ZNF385D: variants seen among roughly 807,000 people sequenced by gnomAD.
ZNF385D encodes the protein zinc finger protein 659.
Under a neutral mutation model 35.8 loss-of-function variants are expected in ZNF385D, and 15 were observed. The observed-to-expected ratio is 0.42, with a 90% confidence interval of 0.28 to 0.64. The LOEUF is 0.64. Among genes scored for constraint, ZNF385D ranks in the 30% least tolerant of loss-of-function variants. ZNF385D has a pLI of 0.23. For missense variants in ZNF385D, 474 were observed against 494.6 expected (o/e 0.96, Z 0.39); for synonymous variants, 212 against 186.8 (o/e 1.13, Z -1.10).
intron 2 of ZNF385D, among the ~76,000 whole-genome samples, chr3:21,634,981 G>A (rs1367436000): frequency 6.6e-6 from 1 of 152,042 alleles, no homozygotes; most frequent in African/African-American, 2.4e-5. Context: ...AACAAACCGT[G>A]ATTTCCTGCT....
chr3:21,550,563 A>T (rs9827481), intron 3 of ZNF385D, among the ~76,000 whole-genome samples: 1 of 151,910 alleles, frequency 6.6e-6, no homozygotes, highest in Non-Finnish European at 1.5e-5. Context: ...GCTTACTGCA[A>T]CCTCCGCCTG....
At chr3:22,343,436 G>A (rs983417823) in intron 2 of ZNF385D, among the ~76,000 whole-genome samples, 3 of 152,210 alleles carry the variant, frequency 2.0e-5, no homozygotes, top group Non-Finnish European at 4.4e-5. Context: ...GAGGACTTTG[G>A]AACTGGAGGG....
intron 3 of ZNF385D, among the ~76,000 whole-genome samples, chr3:22,086,501 A>G (rs1386873124): frequency 6.6e-6 from 1 of 152,194 alleles, no homozygotes; most frequent in Non-Finnish European, 1.5e-5. Context: ...AGGGATGTGA[A>G]GGACCTCTTC....
intron 3 of ZNF385D, among the ~76,000 whole-genome samples, chr3:21,884,232 T>C (rs1698421201): frequency 6.6e-6 from 1 of 152,056 alleles, no homozygotes; most frequent in Non-Finnish European, 1.5e-5. Context: ...GAAATTCCTT[T>C]TCAACCCAGA....
At chr3:21,483,506 A>G (rs1704799504) in intron 4 of ZNF385D, among the ~76,000 whole-genome samples, 1 of 152,182 alleles carries the variant, frequency 6.6e-6, no homozygotes, top group Non-Finnish European at 1.5e-5. Flanking sequence ...TACTTTTACA[A>G]GAAAATGCCA....
At chr3:22,243,065 G>T (rs967972006) in intron 2 of ZNF385D, among the ~76,000 whole-genome samples, 7 of 150,970 alleles carry the variant, frequency 4.6e-5, no homozygotes, top group African/African-American at 1.5e-4. Flanking sequence ...AAACTTCTGT[G>T]CATTAAATAG....
intron 2 of ZNF385D, among the ~76,000 whole-genome samples, chr3:22,372,087 C>T (rs1290871593): frequency 6.6e-6 from 1 of 152,084 alleles, no homozygotes; most frequent in East Asian, 1.9e-4. Context: ...GGTGGCCCAG[C>T]CCTCGACTCT....
chr3:21,952,158 T>C (rs1702096810), intron 3 of ZNF385D, among the ~76,000 whole-genome samples: 1 of 152,050 alleles, frequency 6.6e-6, no homozygotes, highest in Admixed American at 6.6e-5. Flanking sequence ...GTAGTAACTA[T>C]GATGGTTTCC....
At chr3:21,802,927 G>C (rs908956493) in intron 3 of ZNF385D, among the ~76,000 whole-genome samples, 1 of 152,214 alleles carries the variant, frequency 6.6e-6, no homozygotes, top group Non-Finnish European at 1.5e-5. Context: ...AACAAGGAAA[G>C]ATGTTGGGAA....
At chr3:21,923,232 G>A (rs1342462386) in intron 3 of ZNF385D, among the ~76,000 whole-genome samples, 4 of 149,618 alleles carry the variant, frequency 2.7e-5, no homozygotes, top group Non-Finnish European at 5.9e-5. Context: ...CCCTTCCTGT[G>A]TCCAAGTGTT....
chr3:21,598,332 A>G (rs1559446154), intron 2 of ZNF385D, among the ~76,000 whole-genome samples: 1 of 152,222 alleles, frequency 6.6e-6, no homozygotes, highest in Non-Finnish European at 1.5e-5. Context: ...CATAGGTTAC[A>G]TGCATGTAGC....
chr3:21,701,981 C>A (rs1008350745), intron 1 of ZNF385D, among the ~76,000 whole-genome samples: 17 of 152,162 alleles, frequency 1.1e-4, no homozygotes, highest in African/African-American at 4.1e-4. Flanking sequence ...GTGTCTGCAG[C>A]TTTTCCAGGT....
chr3:21,696,773 C>G (rs2067485647), intron 1 of ZNF385D, among the ~76,000 whole-genome samples: 1 of 152,174 alleles, frequency 6.6e-6, no homozygotes, highest in South Asian at 2.1e-4. Flanking sequence ...GGGGGAAAAT[C>G]TACTCCTGAG....
intron 1 of ZNF385D, among the ~76,000 whole-genome samples, chr3:21,722,505 C>T (rs894036117): frequency 6.6e-6 from 1 of 152,208 alleles, no homozygotes; most frequent in African/African-American, 2.4e-5. Flanking sequence ...GGAGTCTAGG[C>T]TCCTCCTGCT....
intron 3 of ZNF385D, among the ~76,000 whole-genome samples, chr3:21,824,205 C>T (rs1393823195): frequency 6.6e-6 from 1 of 152,122 alleles, no homozygotes; most frequent in African/African-American, 2.4e-5. Flanking sequence ...GACTTCTGAG[C>T]AAAACAGTGA....
intron 3 of ZNF385D, among the ~76,000 whole-genome samples, chr3:21,802,943 A>C (rs1294293918): frequency 6.6e-6 from 1 of 152,212 alleles, no homozygotes; most frequent in Non-Finnish European, 1.5e-5. Context: ...GGGAAGTAGG[A>C]CAAGGAATGG....
rs1225361936 is a variant in ZNF385D, at chr3:21,429,071, C to G, written c.674-3401G>C. 2.6e-5 allele frequency among the ~76,000 whole-genome samples: 4 copies of G among 151,626 alleles called. No homozygotes were observed. In the East Asian group the frequency reaches 5.8e-4, roughly 22 times the overall value. ...GTTTCCCATCATTCTTACAATTCCT[C>G]TTTTTAGCTGGCTTTCAAGTTTGGT... On this transcript the variant is annotated intron_variant, in intron 5 of 7. Coordinates refer to ENST00000281523, the MANE Select transcript of ZNF385D (RefSeq NM_024697.3).
chr3:21,819,791 T>C lies in ZNF385D; in HGVS notation c.326-154763A>G, dbSNP rs947183209. Among the ~76,000 whole-genome samples the C allele has an allele frequency of 3.0e-4, 37 of 123,572 alleles. No individual in the cohort carries two copies. The East Asian group carries it at 5.1e-3, about 17-fold the overall frequency. 81.1% of individuals were successfully genotyped at this position (123,572 alleles called of 152,430 possible). On this transcript the variant is annotated intron_variant, in intron 3 of 5. Transcript: ENST00000494108. ...ATAATTAATACACATAAATATAATA[T>C]ACATATATACATAAATATAATATAC...
chr3:21,901,537 G>A (rs889389812), intron 3 of ZNF385D, among the ~76,000 whole-genome samples: 2 of 152,168 alleles, frequency 1.3e-5, no homozygotes, highest in Non-Finnish European at 2.9e-5. Flanking sequence ...ATGCATTGTG[G>A]ATGCCAGGCA....
Sources: gnomAD v4.1 joint callset for allele counts (sites outside exome capture counted in the v4.1 genomes callset) on GRCh38, gnomAD v4.1.1 for gene constraint, MANE v1.5 for transcripts, NCBI Gene and HGNC (gene_info 2026-07-23, HGNC 2026-07-21) for gene names.